Variants in ERC2 observed in about 807,000 individuals in gnomAD.
ERC2 encodes the protein ERC protein 2.
In ERC2, 42 loss-of-function variants were observed where a neutral mutation model predicts 114.8. That is an observed-to-expected ratio of 0.37 (90% CI 0.29 to 0.47). ERC2 has a LOEUF of 0.47. Ranked by LOEUF, ERC2 falls within the 20% of genes least tolerant of loss-of-function variation. The pLI is 0.99. For missense variants in ERC2, 939 were observed against 1,150.7 expected (o/e 0.82, Z 2.66); for synonymous variants, 454 against 425.5 (o/e 1.07, Z -0.82).
At chr3:56,095,999 G>A (rs1326139943) in intron 6 of ERC2, among the ~76,000 whole-genome samples, 1 of 152,160 alleles carries the variant, frequency 6.6e-6, no homozygotes, top group Non-Finnish European at 1.5e-5. Context: ...GGGAAAGAAA[G>A]ATACAATCTC....
In ERC2 at chr3:56,434,812, C is replaced by A; in HGVS notation, c.196G>T (p.Asp66Tyr). The A allele has an allele frequency of 1.9e-6, 3 of 1,613,946 alleles. No homozygotes were observed. The highest frequency in any genetic ancestry group is 2.5e-6 in the Non-Finnish European group (3 of 1,179,884). The change falls in exon 2 of 18, where the codon GAT (aspartate) becomes TAT (tyrosine). Residue 66 changes from aspartate to tyrosine, a missense_variant. Around this residue, in one of 5 missense-constraint regions of ERC2, gnomAD observed 281 missense variants for 307.4 expected, o/e 0.91. Transcript: ENST00000288221. ...GTTGTTGAAGCCACCCCTTCATGAT[C>A]ACTCAGATACATGGGTCCAGACGTA... Reference protein sequence around the residue: ...YATSGPMYLSDHEGVASTTYP... With the variant: ...YATSGPMYLSYHEGVASTTYP...
intron 17 of ERC2, among the ~76,000 whole-genome samples, chr3:55,585,127 G>A (rs150265047): frequency 3.3e-5 from 5 of 152,316 alleles, no homozygotes; most frequent in East Asian, 1.9e-4. Context: ...TCGGTTTACC[G>A]TAAAATTCAA....
At chr3:56,454,355 A>G (rs755580647) in intron 1 of ERC2, among the ~76,000 whole-genome samples, 1 of 152,176 alleles carries the variant, frequency 6.6e-6, no homozygotes, top group African/African-American at 2.4e-5. Flanking sequence ...AGGCACTGCC[A>G]ATATCAGAAT....
intron 1 of ERC2, among the ~76,000 whole-genome samples, chr3:56,436,784 A>T (rs1229758382): frequency 6.6e-6 from 1 of 152,186 alleles, no homozygotes; most frequent in Non-Finnish European, 1.5e-5. Flanking sequence ...GGAATTCCTT[A>T]CTTTCAAGAT....
intron 15 of ERC2, among the ~76,000 whole-genome samples, chr3:55,733,767 T>G (rs1177451962): frequency 1.3e-5 from 2 of 152,120 alleles, no homozygotes; most frequent in African/African-American, 4.8e-5. Flanking sequence ...TTGGCACAGA[T>G]CACTCTAGCA....
At chr3:56,011,313 C>A (rs1057394122) in intron 8 of ERC2, among the ~76,000 whole-genome samples, 1 of 152,166 alleles carries the variant, frequency 6.6e-6, no homozygotes, top group Non-Finnish European at 1.5e-5. Flanking sequence ...GTGCTCTCCT[C>A]ATCAGCCCTC....
chr3:55,545,186 A>G (rs1267061565), intron 17 of ERC2, among the ~76,000 whole-genome samples: 1 of 152,140 alleles, frequency 6.6e-6, no homozygotes, highest in Non-Finnish European at 1.5e-5. Flanking sequence ...TCCTCACTCC[A>G]CCACGGCCAC....
chr3:55,640,085 C>T (rs1042108248), intron 17 of ERC2, among the ~76,000 whole-genome samples: 2 of 152,208 alleles, frequency 1.3e-5, no homozygotes, highest in East Asian at 3.9e-4. Flanking sequence ...CCACAATTCA[C>T]ACGTCCTGTG....
At chr3:56,148,725 G>T (rs549576257) in intron 5 of ERC2, among the ~76,000 whole-genome samples, 1 of 152,318 alleles carries the variant, frequency 6.6e-6, no homozygotes, top group South Asian at 2.1e-4. Flanking sequence ...TCCCAAGGAA[G>T]AGGAATACCA....
chr3:56,041,922 T>C (rs188188375), intron 7 of ERC2, among the ~76,000 whole-genome samples: 1 of 152,340 alleles, frequency 6.6e-6, no homozygotes, highest in Admixed American at 6.5e-5. Context: ...CACTAAATAC[T>C]TTTTAAAAAC....
intron 3 of ERC2, among the ~76,000 whole-genome samples, chr3:56,216,306 G>A (rs918005279): frequency 1.4e-4 from 22 of 151,968 alleles, no homozygotes; most frequent in Non-Finnish European, 3.1e-4. Context: ...AATGATAAAG[G>A]GGATATCACC....
intron 3 of ERC2, among the ~76,000 whole-genome samples, chr3:56,194,760 A>G (rs2047995167): frequency 6.6e-6 from 1 of 152,200 alleles, no homozygotes; most frequent in Non-Finnish European, 1.5e-5. Context: ...GACCATTGTC[A>G]TATGTGGCCC....
intron 13 of ERC2, among the ~76,000 whole-genome samples, chr3:55,927,634 T>C (rs2065823023): frequency 1.3e-5 from 2 of 152,212 alleles, no homozygotes; most frequent in African/African-American, 4.8e-5. Context: ...TTTTAAAACA[T>C]ACAATAAATT....
intron 3 of ERC2, among the ~76,000 whole-genome samples, chr3:56,229,720 T>C (rs1429678897): frequency 1.3e-5 from 2 of 152,050 alleles, no homozygotes; most frequent in Non-Finnish European, 1.5e-5. Flanking sequence ...ACATCTCTAA[T>C]AATAAATGAA....
chr3:55,558,246 G>A (rs1261795266), intron 17 of ERC2, among the ~76,000 whole-genome samples: 2 of 152,126 alleles, frequency 1.3e-5, no homozygotes, highest in African/African-American at 2.4e-5. Flanking sequence ...AACAATGTCT[G>A]GTTTTGCCCA....
chr3:55,748,922 T>C (rs752707240), intron 14 of ERC2, among the ~76,000 whole-genome samples: 4 of 152,224 alleles, frequency 2.6e-5, no homozygotes, highest in Non-Finnish European at 4.4e-5. Flanking sequence ...TCTTCCAAAA[T>C]ACAAGGAGTT....
intron 2 of ERC2, among the ~76,000 whole-genome samples, chr3:56,361,995 A>G (rs531452118): frequency 2.2e-4 from 33 of 152,278 alleles, no homozygotes; most frequent in African/African-American, 4.8e-4. Flanking sequence ...TACACATGCC[A>G]CTTAAACAGA....
At chr3:56,239,626 A>C (rs1362565858) in intron 3 of ERC2, among the ~76,000 whole-genome samples, 1 of 152,234 alleles carries the variant, frequency 6.6e-6, no homozygotes, top group African/African-American at 2.4e-5. Flanking sequence ...TTAACTTAGA[A>C]GTACCTAGAG....
At chr3:56,093,441 C>G (rs1490457563) in intron 6 of ERC2, among the ~76,000 whole-genome samples, 1 of 152,082 alleles carries the variant, frequency 6.6e-6, no homozygotes, top group East Asian at 1.9e-4. Flanking sequence ...GGACATCATG[C>G]TAACCATGAA....
Sources: allele counts gnomAD v4.1 joint callset (sites outside exome capture counted in the v4.1 genomes callset), GRCh38; gene constraint gnomAD v4.1.1; regional missense constraint gnomAD v4.1.1; transcripts MANE v1.5; gene names NCBI Gene and HGNC (gene_info 2026-07-23, HGNC 2026-07-21).